The following KAZALD1 variants were observed in gnomAD, a reference collection of about 807,000 sequenced individuals.
KAZALD1 encodes kazal-type serine protease inhibitor domain-containing protein 1.
A neutral mutation model predicts 27.7 loss-of-function variants in KAZALD1; 31 were observed. The observed-to-expected ratio is 1.12, with a 90% CI of 0.84 to 1.51. The LOEUF (loss-of-function observed/expected upper bound fraction) is 1.51. KAZALD1 is among the 40% of genes most tolerant of loss of function. The pLI, the probability that KAZALD1 is intolerant of heterozygous loss-of-function variation, is 0.00. For synonymous variants in KAZALD1, 179 were observed against 182.0 expected, an observed-to-expected ratio of 0.98 and a Z score of 0.13; for missense variants, 444 against 408.9, an observed-to-expected ratio of 1.09 and a Z score of -0.74.
Position 101,066,336 on chromosome 10 carries a change from G to A in KAZALD1, c.*1416G>A, listed in dbSNP as rs1014806955. 1 of 454,786 alleles carries A rather than the reference G, an allele frequency of 2.2e-6. No individual in the cohort carries two copies. The highest frequency in any genetic ancestry group is 2.0e-5 in the African/African-American group (1 of 50,066). The allele number at this position is 454,786 out of a possible 1,614,324, so 28.2% of individuals were successfully genotyped here. ...GGCCACATGGGAGGGGTGTGGTCCGGAACTCCAACCCCAGGTCCTGCTTGG... is the reference window on the plus strand; with the variant it reads ...GGCCACATGGGAGGGGTGTGGTCCGAAACTCCAACCCCAGGTCCTGCTTGG... On this transcript the variant is annotated 3_prime_UTR_variant, in exon 5 of 5. Coordinates refer to ENST00000370200, the MANE Select transcript of KAZALD1 (RefSeq NM_030929.5).
downstream of KAZALD1, chr10:101,068,113 T>TA (rs1434213803): frequency 1.6e-5 from 7 of 426,390 alleles, no homozygotes; most frequent in Non-Finnish European, 2.5e-5. Context: ...AAAATCTGAA[T>TA]AAAAAAAAGA....
At chr10:101,068,131 A>G (rs1168202710), downstream of KAZALD1, 2 of 417,214 alleles carry the variant, frequency 4.8e-6, no homozygotes, top group Non-Finnish European at 1.0e-5. Context: ...AGATGCTTCA[A>G]TTTGTATTCA....
chr10:101,067,549 G>C, downstream of KAZALD1: 1 of 350,150 alleles, frequency 2.9e-6, no homozygotes, highest in East Asian at 7.7e-5. Flanking sequence ...CCTCCATCTA[G>C]AGCAGGGTGT....
chr10:101,063,985 G>C (rs1454312201), intron 2 of KAZALD1, among the ~76,000 whole-genome samples: 2 of 152,240 alleles, frequency 1.3e-5, no homozygotes, highest in Admixed American at 6.5e-5. Context: ...CAATGTAGAT[G>C]TGTGTGCTTG....
chr10:101,062,779 G>C lies in KAZALD1; in HGVS notation c.187G>C (p.Ala63Pro). 3 of 1,552,890 alleles carry C rather than the reference G, an allele frequency of 1.9e-6. No homozygotes were observed. The highest frequency in any genetic ancestry group is 2.6e-6 in the Non-Finnish European group (3 of 1,158,938). Residue 63 changes from alanine to proline, a missense_variant, in exon 2 of 5, where the codon GCG (alanine) becomes CCG (proline). Coordinates refer to ENST00000370200, the MANE Select transcript of KAZALD1 (RefSeq NM_030929.5). ...TCCCTGCCGGCCAGAAGAGTGCGCC[G>C]CGCCGCGGGGCTGCCTGGCGGGCAG... The part of the protein sequence containing the change: ...CAPCRPEECA[A>P]PRGCLAGRVR...
Position 101,065,461 on chromosome 10 carries a change from GAGAAC to G in KAZALD1, c.*544_*548del, listed in dbSNP as rs1239742575. The G allele has an allele frequency of 6.0e-6, 1 of 167,470 alleles. No individual in the cohort carries two copies. The highest frequency in any genetic ancestry group is 2.4e-5 in the African/African-American group (1 of 41,528). The allele number at this position is 167,470 out of a possible 1,614,324, so 10.4% of individuals were successfully genotyped here. On this transcript the variant is annotated 3_prime_UTR_variant, in exon 5 of 5. Coordinates refer to ENST00000370200, the MANE Select transcript of KAZALD1 (RefSeq NM_030929.5). ...TGTCTGCCGTCTTTTGTACAAGAGA[GAGAAC>G]AGCGGAGCATGACTTAGTTCAGTGC...
rs770709152 is a variant in KAZALD1 at position 101,062,641 on chromosome 10, C to T, written c.49C>T (p.Leu17=). Residue 17 remains leucine (L), a synonymous_variant, in exon 2 of 5, where the codon CTG becomes TTG. Transcript: ENST00000370200. Reference sequence around the variant, plus strand: ...AGCTGCCTTGGCGCTGCCTGTGCTCCTGCTACTGCTGGTGGTGCTGACGCC... The same window carrying T: ...AGCTGCCTTGGCGCTGCCTGTGCTCTTGCTACTGCTGGTGGTGCTGACGCC... The part of the protein sequence containing the change: ...PAAALALPVL[L]LLLVVLTPPP... The T allele has an allele frequency of 5.0e-5, 79 of 1,569,938 alleles. No individual in the cohort carries two copies. The East Asian group carries it at 1.8e-3, about 36-fold the overall frequency.
rs562261984 is a variant in KAZALD1, at chr10:101,066,509, G to A, written c.*1589G>A. The A allele has an allele frequency of 1.1e-5, 5 of 456,064 alleles. No individual in the cohort carries two copies. Among genetic ancestry groups the A allele is most frequent in the East Asian group, 7.0e-5 (1 of 14,368 alleles). 28.3% of individuals were successfully genotyped at this position (456,064 alleles called of 1,614,324 possible). A position where few individuals can be genotyped will look rare whatever the true frequency, so the allele number is the denominator to read the frequency against. ...ACAGCGCAAGCGGGCTGGATACCGG[G>A]AGCCGATTCCAGGGCGCCCACAGAA... is the stretch of plus-strand genomic sequence containing the variant. On this transcript the variant is annotated 3_prime_UTR_variant, in exon 5 of 5. Coordinates refer to ENST00000370200, the MANE Select transcript of KAZALD1 (RefSeq NM_030929.5).
At position 101,064,525 on chromosome 10, in the gene KAZALD1, G is replaced by C. The variant is rs200239187; in HGVS notation, c.697G>C (p.Glu233Gln). 9.3e-6 allele frequency: 15 copies of C among 1,614,202 alleles called. No homozygotes were observed. In the South Asian group the frequency reaches 1.2e-4, roughly 13 times the overall value. The change falls in exon 4 of 5, where the codon GAG becomes CAG. Residue 233 changes from glutamate (E) to glutamine (Q), a missense_variant. Physicochemically the swap from Glu to Gln is conservative, Grantham distance 29. Transcript: ENST00000370200. Reference protein sequence around the residue: ...VQFRGGPQRFEVTGWLQIQAV... With the variant: ...VQFRGGPQRFQVTGWLQIQAV... ...GTTTAGGGGTGGACCCCAGAGGTTT[G>C]AGGTGACTGGCTGGCTGCAGATCCA...
At position 101,066,548 on chromosome 10, in the gene KAZALD1, G is replaced by T. The variant is rs761202689; in HGVS notation, c.*1628G>T. The T allele has an allele frequency of 3.4e-5, 15 of 445,824 alleles. No individual in the cohort carries two copies. The highest frequency in any genetic ancestry group is 2.3e-4 in the South Asian group (15 of 64,204). The allele number at this position is 445,824 out of a possible 1,614,324, so 27.6% of individuals were successfully genotyped here. ...GCGCCCACAGAAGCAGAATCAGAGGGGTAGGCGGGGGTGGGGCGTGCTGTT... is the reference window on the plus strand; with the variant it reads ...GCGCCCACAGAAGCAGAATCAGAGGTGTAGGCGGGGGTGGGGCGTGCTGTT... On this transcript the variant is annotated 3_prime_UTR_variant, in exon 5 of 5. Coordinates refer to ENST00000370200, the MANE Select transcript of KAZALD1 (RefSeq NM_030929.5).
chr10:101,062,901 C>T lies in KAZALD1; in HGVS notation c.309C>T (p.Gly103=). 1.2e-6 allele frequency: 2 copies of T among 1,603,316 alleles called. No individual in the cohort carries two copies. Among genetic ancestry groups the T allele is most frequent in the Middle Eastern group, 1.7e-4 (1 of 6,048 alleles). Residue 103 remains glycine, a synonymous_variant, in exon 2 of 5, where the codon GGC becomes GGT. Coordinates refer to ENST00000370200, the MANE Select transcript of KAZALD1 (RefSeq NM_030929.5). ...DPSAHFYGHC[G]EQLECRLDTG... is the part of the protein sequence containing the mutation. ...GTGCTCACTTCTACGGGCACTGCGG[C>T]GAGCAGCTTGAGTGCCGGCTGGACA...
At position 101,062,980 on chromosome 10, in the gene KAZALD1, T is replaced by A. The variant is rs554605498; in HGVS notation, c.388T>A (p.Ser130Thr). The A allele has an allele frequency of 5.6e-6, 9 of 1,601,494 alleles. No homozygotes were observed. In the Admixed American group the frequency reaches 6.7e-5, roughly 12 times the overall value. ...EVPEPLCACRSQSPLCGSDGH... is the reference protein window; with the variant it reads ...EVPEPLCACRTQSPLCGSDGH... ...GCCGGAACCTCTGTGTGCCTGTCGT[T>A]CGCAGAGTCCGCTCTGCGGGTCCGA... Residue 130 changes from serine to threonine, a missense_variant, in exon 2 of 5, where the codon TCG (serine) becomes ACG (threonine). By Grantham distance (58) the Ser-to-Thr change is moderately conservative. Transcript: ENST00000370200.
downstream of KAZALD1, chr10:101,068,124 T>A (rs1939373702): frequency 2.4e-6 from 1 of 423,626 alleles, no homozygotes. Context: ...AAAAAAAAGA[T>A]GCTTCAATTT....
At position 101,066,464 on chromosome 10, in the gene KAZALD1, G is replaced by T. The variant is rs1301812214; in HGVS notation, c.*1544G>T. 2 of 456,590 alleles carry T rather than the reference G, an allele frequency of 4.4e-6. No individual in the cohort carries two copies. The highest frequency in any genetic ancestry group is 3.2e-4 in the Middle Eastern group (1 of 3,098). 28.3% of individuals were successfully genotyped at this position (456,590 alleles called of 1,614,324 possible). ...TGCCGAACCCAGGCTGGAAGCGGGC[G>T]GCCCTAGGAGCCGCGCACAACAGCG... On this transcript the variant is annotated 3_prime_UTR_variant, in exon 5 of 5. Transcript: ENST00000370200.
rs563015684 is a variant in KAZALD1 at position 101,064,874 on chromosome 10, T to A, written c.869T>A (p.Val290Asp). Residue 290 changes from valine (V) to aspartate (D), a missense_variant, in exon 5 of 5, where the codon GTT becomes GAT. By Grantham distance (152) the Val-to-Asp change is radical. Coordinates refer to ENST00000370200, the MANE Select transcript of KAZALD1 (RefSeq NM_030929.5). Reference sequence around the variant, plus strand: ...CCCCAGCTGCGATCACTAAACCTGGTTCCTGAGGAGGAGGCTGAGAGTGAA... The same window carrying A: ...CCCCAGCTGCGATCACTAAACCTGGATCCTGAGGAGGAGGCTGAGAGTGAA... ...GIPQLRSLNL[V>D]PEEEAESEEN... 1 of 1,614,168 alleles carries A rather than the reference T, an allele frequency of 6.2e-7. No individual in the cohort carries two copies. Among genetic ancestry groups the A allele is most frequent in the Non-Finnish European group, 8.5e-7 (1 of 1,180,012 alleles).
chr10:101,062,587 C>T lies in KAZALD1; in HGVS notation c.-6C>T. On this transcript the variant is annotated 5_prime_UTR_variant, in exon 2 of 5. Transcript: ENST00000370200. ...CCCCGAGTGCTCGCAGGGCTTCCCGCTAACCATGCTGCCGCCGCCGCGGCC... is the reference window on the plus strand; with the variant it reads ...CCCCGAGTGCTCGCAGGGCTTCCCGTTAACCATGCTGCCGCCGCCGCGGCC... The T allele has an allele frequency of 1.9e-6, 3 of 1,584,866 alleles. No individual in the cohort carries two copies. Among genetic ancestry groups the T allele is most frequent in the Non-Finnish European group, 1.7e-6 (2 of 1,174,800 alleles).
chr10:101,064,153 T>C, intron 2 of KAZALD1, 108 bp from the exon 3 acceptor site: 1 of 1,115,296 alleles, frequency 9.0e-7, no homozygotes, highest in Non-Finnish European at 1.3e-6. Context: ...CAGCATATAT[T>C]GTGTTCTGCC....
chr10:101,068,071 C>G (rs775222669), downstream of KAZALD1: 1 of 458,838 alleles, frequency 2.2e-6, no homozygotes, highest in South Asian at 1.6e-5. Flanking sequence ...CAGACCTGGG[C>G]CAGGGGCCTT....
Position 101,066,494 on chromosome 10 carries a change from C to T in KAZALD1, c.*1574C>T, listed in dbSNP as rs1207125661. 2.2e-6 allele frequency: 1 copy of T among 454,796 alleles called. No individual in the cohort carries two copies. Among genetic ancestry groups the T allele is most frequent in the Non-Finnish European group, 4.4e-6 (1 of 225,708 alleles). 28.2% of individuals were successfully genotyped at this position (454,796 alleles called of 1,614,324 possible). A position where few individuals can be genotyped will look rare whatever the true frequency, so the allele number is the denominator to read the frequency against. ...TAGGAGCCGCGCACAACAGCGCAAG[C>T]GGGCTGGATACCGGGAGCCGATTCC... On this transcript the variant is annotated 3_prime_UTR_variant, in exon 5 of 5. Transcript: ENST00000370200.
Sources: allele counts gnomAD v4.1 joint callset (sites outside exome capture counted in the v4.1 genomes callset), GRCh38; gene constraint gnomAD v4.1.1; transcripts MANE v1.5; gene names NCBI Gene and HGNC (gene_info 2026-07-23, HGNC 2026-07-21).